TLN2: variants seen among roughly 807,000 people sequenced by gnomAD.
The protein encoded by TLN2 is talin 2.
In TLN2, 118 loss-of-function variants were observed where a neutral mutation model predicts 294.7. That is an observed-to-expected ratio of 0.40 (90% CI 0.34 to 0.47). TLN2 has a LOEUF of 0.47. TLN2 is among the 20% of genes least tolerant of loss of function. TLN2 has a pLI of 0.84. For synonymous variants in TLN2, 1,431 were observed against 1,304.5 expected (o/e 1.10, Z -2.09); for missense variants, 3,083 against 3,282.2 (o/e 0.94, Z 1.48).
intron 12 of TLN2, among the ~76,000 whole-genome samples, chr15:62,691,034 G>T (rs2057847509): frequency 2.9e-5 from 1 of 34,646 alleles, no homozygotes; most frequent in East Asian, 4.0e-4. Flanking sequence ...CCGTGGGAGA[G>T]GGAGAGGGAG....
Position 62,490,195 on chromosome 15 carries a change from C to T in TLN2, c.-237-99492C>T, listed in dbSNP as rs144835078. On this transcript the variant is annotated intron_variant, in intron 1 of 58. Coordinates refer to ENST00000636159, the MANE Select transcript of TLN2 (RefSeq NM_015059.3). ...TGTTTTGAGGCTTTTAAAGTGATAG[C>T]TAACATCATGCGATAGATATATTAA... 4.1e-3 allele frequency among the ~76,000 whole-genome samples: 623 copies of T among 152,266 alleles called. 2 individuals are homozygous for T. The highest frequency in any genetic ancestry group is 0.011 in the South Asian group (53 of 4,820).
At chr15:62,429,004 T>C (rs1488123827) in intron 1 of TLN2, among the ~76,000 whole-genome samples, 1 of 151,992 alleles carries the variant, frequency 6.6e-6, no homozygotes, top group African/African-American at 2.4e-5. Context: ...TGAAAGCTTC[T>C]CTGGGGGAGA....
chr15:62,491,337 A>AAT (rs769670199), intron 1 of TLN2, among the ~76,000 whole-genome samples: 2,419 of 114,776 alleles, frequency 0.021, 27 homozygotes, highest in African/African-American at 0.025. Context: ...AAAAAAAAAA[A>AAT]ATATATATAT....
chr15:62,532,359 A>G (rs957917007), intron 1 of TLN2, among the ~76,000 whole-genome samples: 19 of 152,098 alleles, frequency 1.2e-4, no homozygotes, highest in African/African-American at 4.6e-4. Flanking sequence ...AGCCTCCCAA[A>G]GTGCTGGGAT....
intron 1 of TLN2, among the ~76,000 whole-genome samples, chr15:62,545,151 G>A (rs1425590724): frequency 1.3e-5 from 2 of 151,756 alleles, no homozygotes; most frequent in African/African-American, 4.8e-5. Context: ...TGTTAGCCAG[G>A]ATGGTCTCAA....
intron 1 of TLN2, among the ~76,000 whole-genome samples, chr15:62,521,023 A>C (rs1484911715): frequency 6.6e-6 from 1 of 152,144 alleles, no homozygotes; most frequent in Non-Finnish European, 1.5e-5. Context: ...ATACTACTTT[A>C]AGTTTTCACT....
chr15:62,662,901 G>A (rs976484004), intron 9 of TLN2, among the ~76,000 whole-genome samples: 1 of 127,170 alleles, frequency 7.9e-6, no homozygotes, highest in African/African-American at 2.8e-5. Flanking sequence ...TCGGCTCACT[G>A]CAAGCTCTGC....
chr15:62,531,933 G>A (rs1340426104), intron 1 of TLN2, among the ~76,000 whole-genome samples: 3 of 152,166 alleles, frequency 2.0e-5, no homozygotes, highest in African/African-American at 7.2e-5. Flanking sequence ...TCATTGTCTT[G>A]TTGTTACGTG....
chr15:62,686,229 G>C (rs920310306), intron 11 of TLN2, among the ~76,000 whole-genome samples: 3 of 152,180 alleles, frequency 2.0e-5, no homozygotes, highest in Non-Finnish European at 4.4e-5. Flanking sequence ...ATTCTACTTT[G>C]ACAGAGTTTT....
intron 1 of TLN2, among the ~76,000 whole-genome samples, chr15:62,530,121 G>T (rs1304180226): frequency 6.6e-6 from 1 of 152,126 alleles, no homozygotes; most frequent in Non-Finnish European, 1.5e-5. Flanking sequence ...AACCCGAGAG[G>T]CGCAGGTTGC....
At chr15:62,468,314 G>A (rs2037258025) in intron 1 of TLN2, among the ~76,000 whole-genome samples, 1 of 152,120 alleles carries the variant, frequency 6.6e-6, no homozygotes, top group Non-Finnish European at 1.5e-5. Context: ...TGATGACAAG[G>A]GTGTTGGCTG....
Position 62,761,729 on chromosome 15 carries a change from G to A in TLN2, c.4687G>A (p.Ala1563Thr), listed in dbSNP as rs765463024. ...AGACAACCGCAATAAGTGTCGCATC[G>A]CCACCGCACCCTTGATTGAAGCTGT... ...SEDNRNKCRI[A>T]TAPLIEAVEN... The change falls in exon 38 of 59, where the codon GCC becomes ACC. Residue 1563 changes from alanine to threonine, a missense_variant. Ala to Thr is a moderately conservative substitution (Grantham distance 58). Transcript: ENST00000636159. 1.2e-5 allele frequency: 19 copies of A among 1,613,998 alleles called. No individual in the cohort carries two copies. The highest frequency in any genetic ancestry group is 5.5e-5 in the South Asian group (5 of 91,078).
At chr15:62,703,625 GCGCACACACACACACA>G (rs2058865066) in intron 19 of TLN2, among the ~76,000 whole-genome samples, 1 of 78,228 alleles carries the variant, frequency 1.3e-5, no homozygotes, top group African/African-American at 4.3e-5. Flanking sequence ...ACACACACGC[GCGCACACACACACACA>G]CACACACACA....
intron 1 of TLN2, among the ~76,000 whole-genome samples, chr15:62,413,728 A>T (rs2140258654): frequency 6.6e-6 from 1 of 152,322 alleles, no homozygotes; most frequent in Non-Finnish European, 1.5e-5. Flanking sequence ...TGAGTAGGGG[A>T]TCTGAAAGGG....
chr15:62,563,731 C>T (rs914785035), intron 1 of TLN2, among the ~76,000 whole-genome samples: 1 of 152,214 alleles, frequency 6.6e-6, no homozygotes, highest in African/African-American at 2.4e-5. Flanking sequence ...GGCCTTGTCT[C>T]TCTCCCGTTG....
intron 3 of TLN2, among the ~76,000 whole-genome samples, chr15:62,629,305 T>A (rs1215310854): frequency 2.0e-5 from 3 of 152,162 alleles, no homozygotes; most frequent in Non-Finnish European, 4.4e-5. Context: ...AGATAAACAT[T>A]GTGTGTCTGG....
At chr15:62,443,755 A>C (rs759081781) in intron 1 of TLN2, among the ~76,000 whole-genome samples, 10 of 152,160 alleles carry the variant, frequency 6.6e-5, no homozygotes, top group South Asian at 2.1e-4. Context: ...TAATCCCAGC[A>C]CTTTGGGAGG....
chr15:62,699,074 G>C (rs1595707857), intron 16 of TLN2, among the ~76,000 whole-genome samples: 2 of 152,122 alleles, frequency 1.3e-5, no homozygotes, highest in Admixed American at 6.5e-5. Context: ...GCAGTACCAC[G>C]GGTGGGCTGA....
intron 2 of TLN2, among the ~76,000 whole-genome samples, chr15:62,599,714 GA>G (rs1401189600): frequency 1.3e-5 from 2 of 152,152 alleles, no homozygotes; most frequent in Non-Finnish European, 2.9e-5. Flanking sequence ...TCCTGCAGGA[GA>G]ACTTTTGGCT....
Sources: gnomAD v4.1 joint callset for allele counts (sites outside exome capture counted in the v4.1 genomes callset) on GRCh38, gnomAD v4.1.1 for gene constraint, MANE v1.5 for transcripts, NCBI Gene and HGNC (gene_info 2026-07-23, HGNC 2026-07-21) for gene names.